The following ANKRD55 variants were observed in gnomAD, a reference collection of about 807,000 sequenced individuals.
The protein encoded by ANKRD55 is ankyrin repeat domain 55.
In ANKRD55, 41 loss-of-function variants were observed where a neutral mutation model predicts 60.6. The observed-to-expected ratio is 0.68, with a 90% CI of 0.53 to 0.88. ANKRD55 has a LOEUF of 0.88. Among genes scored for constraint, ANKRD55 ranks in the 40% least tolerant of loss-of-function variants. ANKRD55 has a pLI of 0.00. For synonymous variants in ANKRD55, 264 were observed against 290.3 expected, an observed-to-expected ratio of 0.91 and a Z score of 0.92; for missense variants, 732 against 767.6, an observed-to-expected ratio of 0.95 and a Z score of 0.55.
chr5:56,230,261 A>G (rs1300081224), intron 2 of ANKRD55, among the ~76,000 whole-genome samples: 1 of 151,972 alleles, frequency 6.6e-6, no homozygotes, highest in African/African-American at 2.4e-5. Flanking sequence ...TGCCCAGCTA[A>G]TTTTTGTATT....
At chr5:56,193,403 A>G (rs1343434037) in intron 2 of ANKRD55, 9 of 614,836 alleles carry the variant, frequency 1.5e-5, no homozygotes, top group Non-Finnish European at 2.3e-5. Flanking sequence ...ACCTTTTGGT[A>G]CTGGAATTAC....
At chr5:56,182,640 T>C (rs1758875479) in intron 3 of ANKRD55, among the ~76,000 whole-genome samples, 1 of 152,222 alleles carries the variant, frequency 6.6e-6, no homozygotes, top group African/African-American at 2.4e-5. Flanking sequence ...TGACGAGTGA[T>C]TTTTGATTGA....
intron 10 of ANKRD55, among the ~76,000 whole-genome samples, chr5:56,106,210 G>A (rs978693833): frequency 1.3e-5 from 2 of 152,104 alleles, no homozygotes; most frequent in Non-Finnish European, 2.9e-5. Context: ...GAAATCCAAA[G>A]ATAAAGGGAC....
chr5:56,204,424 G>A (rs376241347), intron 2 of ANKRD55, among the ~76,000 whole-genome samples: 20 of 152,158 alleles, frequency 1.3e-4, no homozygotes, highest in African/African-American at 3.1e-4. Context: ...GAATGGTATC[G>A]CCTAGGTTTT....
chr5:56,134,896 A>G (rs55929040), intron 7 of ANKRD55, among the ~76,000 whole-genome samples: 34,473 of 152,152 alleles, frequency 0.23, 5,541 homozygotes, highest in African/African-American at 0.45. Flanking sequence ...AAAGAATTAT[A>G]CATCATGGTC....
intron 3 of ANKRD55, among the ~76,000 whole-genome samples, chr5:56,183,169 A>C (rs1758886620): frequency 6.6e-6 from 1 of 152,238 alleles, no homozygotes; most frequent in African/African-American, 2.4e-5. Flanking sequence ...AGCAGAAATA[A>C]TACCAAAGAA....
chr5:56,101,728 A>AT (rs1343236386), intron 11 of ANKRD55, among the ~76,000 whole-genome samples: 1 of 151,994 alleles, frequency 6.6e-6, no homozygotes, highest in Non-Finnish European at 1.5e-5. Context: ...TATTAGGAGA[A>AT]TTTTTTTCAT....
intron 7 of ANKRD55, among the ~76,000 whole-genome samples, chr5:56,132,001 A>G (rs1004967239): frequency 1.3e-5 from 2 of 151,828 alleles, no homozygotes; most frequent in Non-Finnish European, 2.9e-5. Context: ...ATGTATGCTA[A>G]TGCATCTATC....
At chr5:56,223,834 A>C (rs1461266813) in intron 2 of ANKRD55, among the ~76,000 whole-genome samples, 1 of 152,236 alleles carries the variant, frequency 6.6e-6, no homozygotes, top group Admixed American at 6.5e-5. Context: ...TAGATTCATA[A>C]AGCAAGTCCT....
At chr5:56,198,845 C>T (rs1581016157) in intron 2 of ANKRD55, among the ~76,000 whole-genome samples, 2 of 151,696 alleles carry the variant, frequency 1.3e-5, no homozygotes, top group Admixed American at 6.6e-5. Flanking sequence ...TTTGGGAGGC[C>T]GAGGCAGGCG....
At chr5:56,197,262 C>G (rs1759248911) in intron 2 of ANKRD55, among the ~76,000 whole-genome samples, 1 of 152,074 alleles carries the variant, frequency 6.6e-6, no homozygotes, top group Non-Finnish European at 1.5e-5. Context: ...ATATCAGGGT[C>G]CACGATAAAA....
chr5:56,198,671 G>A (rs1321100433), intron 2 of ANKRD55, among the ~76,000 whole-genome samples: 1 of 152,150 alleles, frequency 6.6e-6, no homozygotes, highest in East Asian at 1.9e-4. Flanking sequence ...AAACCCATTT[G>A]CTTTGTTTTT....
At chr5:56,223,329 G>T (rs1046430506) in intron 2 of ANKRD55, among the ~76,000 whole-genome samples, 19 of 152,174 alleles carry the variant, frequency 1.2e-4, no homozygotes, top group Non-Finnish European at 2.5e-4. Context: ...CACCAGGCCT[G>T]CCCTAAAAGA....
chr5:56,157,823 C>T (rs1422756120), intron 6 of ANKRD55, among the ~76,000 whole-genome samples: 1 of 152,120 alleles, frequency 6.6e-6, no homozygotes, highest in Non-Finnish European at 1.5e-5. Context: ...GGAGCCGGCG[C>T]GCGTCCTCCT....
intron 8 of ANKRD55, among the ~76,000 whole-genome samples, chr5:56,121,047 C>T (rs1757033136): frequency 6.6e-6 from 1 of 152,110 alleles, no homozygotes; most frequent in African/African-American, 2.4e-5. Flanking sequence ...GCAATGGGAC[C>T]ACAGGCAGGC....
intron 2 of ANKRD55, among the ~76,000 whole-genome samples, chr5:56,231,990 A>T (rs1343925353): frequency 2.0e-5 from 3 of 152,188 alleles, no homozygotes; most frequent in African/African-American, 7.2e-5. Context: ...GGAACTTAGG[A>T]TCTTGAAGAA....
chr5:56,219,464 C>T (rs1759909812), intron 2 of ANKRD55, among the ~76,000 whole-genome samples: 1 of 152,080 alleles, frequency 6.6e-6, no homozygotes, highest in Admixed American at 6.6e-5. Context: ...GAGCAAGTGC[C>T]CTTCTTAGGT....
At chr5:56,182,193 A>G (rs1427345533) in intron 3 of ANKRD55, among the ~76,000 whole-genome samples, 2 of 152,108 alleles carry the variant, frequency 1.3e-5, no homozygotes, top group Admixed American at 1.3e-4. Context: ...GAGGATCACA[A>G]ATCTCTGGTG....
chr5:56,165,806 G>T (rs1027836663), intron 5 of ANKRD55, among the ~76,000 whole-genome samples: 5 of 152,088 alleles, frequency 3.3e-5, no homozygotes, highest in Non-Finnish European at 7.4e-5. Flanking sequence ...GTGCGTGTCT[G>T]TAATCCCAGC....
Sources: gnomAD v4.1 joint callset for allele counts (sites outside exome capture counted in the v4.1 genomes callset) on GRCh38, gnomAD v4.1.1 for gene constraint, MANE v1.5 for transcripts, NCBI Gene and HGNC (gene_info 2026-07-23, HGNC 2026-07-21) for gene names.